The following RCBTB1 variants were observed in gnomAD, a reference collection of about 807,000 sequenced individuals.
RCBTB1 encodes the protein RCC1 and BTB domain containing protein 1.
RCBTB1 carries 46 observed loss-of-function variants against 62.4 expected under a neutral mutation model. That is an observed-to-expected ratio of 0.74 (90% CI 0.58 to 0.94). The LOEUF is 0.94. RCBTB1 is among the 40% of genes least tolerant of loss of function. RCBTB1 has a pLI of 0.00. For missense variants in RCBTB1, 565 were observed against 654.9 expected, an observed-to-expected ratio of 0.86 and a Z score of 1.50; for synonymous variants, 222 against 245.8, an observed-to-expected ratio of 0.90 and a Z score of 0.91.
At chr13:49,582,020 G>A (rs1594365096) in intron 1 of RCBTB1, among the ~76,000 whole-genome samples, 2 of 152,272 alleles carry the variant, frequency 1.3e-5, no homozygotes, top group African/African-American at 4.8e-5. Flanking sequence ...AGTAATCACA[G>A]AATGTGATAG....
intron 6 of RCBTB1, among the ~76,000 whole-genome samples, chr13:49,554,531 G>A (rs570161459): frequency 2.0e-5 from 3 of 152,204 alleles, no homozygotes; most frequent in African/African-American, 7.2e-5. Flanking sequence ...CTCATGAGCC[G>A]CAGGCCGGTA....
chr13:49,540,229 A>C (rs1470368803), intron 12 of RCBTB1, among the ~76,000 whole-genome samples: 2 of 152,194 alleles, frequency 1.3e-5, no homozygotes, highest in Non-Finnish European at 2.9e-5. Flanking sequence ...GGGTATACAG[A>C]CGAATGAGAC....
At chr13:49,549,433 T>C (rs1566227623) in intron 9 of RCBTB1, 25 bp downstream of exon 9, 12 of 1,584,424 alleles carry the variant, frequency 7.6e-6, no homozygotes, top group Non-Finnish European at 8.6e-6. Context: ...TCTTCCTGGG[T>C]GGAGGTGGCC....
At chr13:49,538,707 C>G (rs7325207) in intron 12 of RCBTB1, among the ~76,000 whole-genome samples, 114,390 of 151,218 alleles carry the variant, frequency 0.76, 43,941 homozygotes, top group Non-Finnish European at 0.83. Context: ...CAGAACAAGA[C>G]CCTGTATCAC....
intron 9 of RCBTB1, among the ~76,000 whole-genome samples, chr13:49,545,601 G>A (rs116752986): frequency 2.6e-5 from 4 of 152,262 alleles, no homozygotes; most frequent in African/African-American, 4.8e-5. Flanking sequence ...ACAAATTCCC[G>A]GAATGCTTTC....
chr13:49,552,186 C>T lies in RCBTB1; in HGVS notation c.703G>A (p.Val235Met). 1.9e-6 allele frequency: 3 copies of T among 1,577,660 alleles called. No individual in the cohort carries two copies. The highest frequency in any genetic ancestry group is 1.7e-4 in the Middle Eastern group (1 of 5,962). ...VRVAALHSVC[V>M]NQIVCGYAHT... ...GAGTGCACCACACGTACCTGGTTCA[C>T]ACACACGCTGTGCAAAGCTGCCACT... The change falls in exon 7 of 13, where the codon GTG becomes ATG. Residue 235 changes from valine (V) to methionine (M), a missense_variant. Coordinates refer to ENST00000378302, the MANE Select transcript of RCBTB1 (RefSeq NM_018191.4).
chr13:49,544,268 G>A (rs1270604004), intron 10 of RCBTB1, among the ~76,000 whole-genome samples: 2 of 152,106 alleles, frequency 1.3e-5, no homozygotes, highest in African/African-American at 2.4e-5. Context: ...TCGGGAGTTC[G>A]AGACCAACCT....
At chr13:49,579,440 A>C (rs1963967474) in intron 2 of RCBTB1, among the ~76,000 whole-genome samples, 1 of 152,018 alleles carries the variant, frequency 6.6e-6, no homozygotes, top group South Asian at 2.1e-4. Flanking sequence ...TGGCTAACAC[A>C]GCGAAACCCC....
chr13:49,575,974 T>A (rs1285029794), intron 2 of RCBTB1, among the ~76,000 whole-genome samples: 2 of 151,864 alleles, frequency 1.3e-5, no homozygotes, highest in Non-Finnish European at 2.9e-5. Flanking sequence ...GATCACAAGG[T>A]CAGAGATCGA....
At chr13:49,541,649 T>C in intron 11 of RCBTB1, 27 bp downstream of exon 11, 1 of 1,585,538 alleles carries the variant, frequency 6.3e-7, no homozygotes, top group Non-Finnish European at 8.6e-7. Flanking sequence ...ACCATGCGGC[T>C]CGTCCATCCC....
chr13:49,551,102 A>AAAGGGAAGGGAAGGG (rs758804412), intron 8 of RCBTB1: 3 of 466,186 alleles, frequency 6.4e-6, no homozygotes, highest in Non-Finnish European at 1.1e-5. Flanking sequence ...CTGTCTCAAA[A>AAAGGGAAGGGAAGGG]AAGGGAAGGG....
intron 4 of RCBTB1, among the ~76,000 whole-genome samples, chr13:49,562,120 A>G (rs1356988340): frequency 6.6e-6 from 1 of 151,906 alleles, no homozygotes; most frequent in Non-Finnish European, 1.5e-5. Flanking sequence ...AAAAAGGTTA[A>G]TTTTAAAATA....
chr13:49,533,848 A>G lies in RCBTB1; in HGVS notation c.*274T>C. The G allele has an allele frequency of 3.8e-6, 1 of 261,626 alleles. No homozygotes were observed. Among genetic ancestry groups the G allele is most frequent in the Non-Finnish European group, 7.2e-6 (1 of 139,684 alleles). The allele number at this position is 261,626 out of a possible 1,614,324, so 16.2% of individuals were successfully genotyped here. On this transcript the variant is annotated 3_prime_UTR_variant, in exon 13 of 13. Coordinates refer to ENST00000378302, the MANE Select transcript of RCBTB1 (RefSeq NM_018191.4). ...ATCAAAAATGAAAAGAAGACCAAAAACGACTAACTTTCACCCTTTTACATG... is the reference window on the plus strand; with the variant it reads ...ATCAAAAATGAAAAGAAGACCAAAAGCGACTAACTTTCACCCTTTTACATG...
chr13:49,554,500 A>G (rs9568253), intron 6 of RCBTB1, among the ~76,000 whole-genome samples: 37,166 of 151,996 alleles, frequency 0.24, 5,878 homozygotes, highest in African/African-American at 0.44. Flanking sequence ...GCACCCTAGC[A>G]CAGGGGTCCC....
Position 49,534,125 on chromosome 13 carries a change from G to T in RCBTB1, c.1593C>A (p.Asn531Lys). 7 of 1,613,730 alleles carry T rather than the reference G, an allele frequency of 4.3e-6. No individual in the cohort carries two copies. The highest frequency in any genetic ancestry group is 5.9e-6 in the Non-Finnish European group (7 of 1,179,880). The stretch of plus-strand genomic sequence containing the variant: ...CAGAACCCAGCAGCCTTGCGCTTCA[G>T]TTCTTAAAGGCTCCACATTTACTGG... ...AKASKCGAFKN is the reference protein window; with the variant it reads ...AKASKCGAFKK Residue 531 changes from asparagine to lysine, a missense_variant, in exon 13 of 13, where the codon AAC becomes AAA. Asn to Lys is a moderately conservative substitution (Grantham distance 94). Coordinates refer to ENST00000378302, the MANE Select transcript of RCBTB1 (RefSeq NM_018191.4).
At chr13:49,567,478 A>C (rs895401973) in intron 2 of RCBTB1, among the ~76,000 whole-genome samples, 158 bp from the exon 3 acceptor site, 1 of 152,218 alleles carries the variant, frequency 6.6e-6, no homozygotes, top group African/African-American at 2.4e-5. Flanking sequence ...CCATGTGTGC[A>C]ATCCCTCCTC....
At chr13:49,552,309 A>C in intron 6 of RCBTB1, 24 bp from the exon 7 acceptor site, 1 of 1,497,020 alleles carries the variant, frequency 6.7e-7, no homozygotes, top group Non-Finnish European at 9.2e-7. Context: ...GAAGGGAGAG[A>C]GTGAGATTTT....
At chr13:49,561,929 TAAAA>T (rs58254547) in intron 4 of RCBTB1, among the ~76,000 whole-genome samples, 2 of 134,770 alleles carry the variant, frequency 1.5e-5, no homozygotes, top group Admixed American at 7.6e-5. Context: ...CCACATCTAC[TAAAA>T]AAAAAAAAAA....
chr13:49,575,287 A>T (rs543108343), intron 2 of RCBTB1, among the ~76,000 whole-genome samples: 18 of 152,348 alleles, frequency 1.2e-4, no homozygotes, highest in Non-Finnish European at 2.5e-4. Flanking sequence ...CAGAGGCAAC[A>T]CTATACACTG....
Sources: allele counts gnomAD v4.1 joint callset (sites outside exome capture counted in the v4.1 genomes callset), GRCh38; gene constraint gnomAD v4.1.1; transcripts MANE v1.5; gene names NCBI Gene and HGNC (gene_info 2026-07-23, HGNC 2026-07-21).